DNAJC1: variants seen among roughly 807,000 people sequenced by gnomAD.
DNAJC1 encodes dnaJ homolog subfamily C member 1.
A neutral mutation model predicts 76.6 loss-of-function variants in DNAJC1; 58 were observed. The observed-to-expected ratio is 0.76, with a 90% CI of 0.61 to 0.94. DNAJC1 has a LOEUF of 0.94. Among genes scored for constraint, DNAJC1 ranks in the 40% least tolerant of loss-of-function variants. The pLI is 0.00. For missense variants in DNAJC1, 689 were observed against 677.3 expected, an observed-to-expected ratio of 1.02 and a Z score of -0.19; for synonymous variants, 258 against 267.9, an observed-to-expected ratio of 0.96 and a Z score of 0.36.
rs375062805 is a variant in DNAJC1, at chr10:21,774,390, C to A, written c.1099-8081G>T. Among the ~76,000 whole-genome samples, 23 of 152,272 alleles carry A rather than the reference C, an allele frequency of 1.5e-4. 1 individual carries two copies. The East Asian group carries it at 2.9e-3, about 19-fold the overall frequency. On this transcript the variant is annotated intron_variant, in intron 9 of 11. Coordinates refer to ENST00000376980, the MANE Select transcript of DNAJC1 (RefSeq NM_022365.4). ...TACACGTGACCTCAGAATCTCATAA[C>A]CTGAGATTCATATAACTCTCTAACA...
intron 9 of DNAJC1, among the ~76,000 whole-genome samples, chr10:21,798,912 TGAAAA>T (rs968972397): frequency 6.6e-6 from 1 of 152,150 alleles, no homozygotes; most frequent in African/African-American, 2.4e-5. Context: ...TATGTTCTCC[TGAAAA>T]GAAATTAGTG....
intron 1 of DNAJC1, among the ~76,000 whole-genome samples, chr10:21,988,425 T>C (rs1489340092): frequency 1.3e-5 from 2 of 152,156 alleles, no homozygotes; most frequent in African/African-American, 4.8e-5. Flanking sequence ...ATACAAAAAC[T>C]GACTAAATCC....
Position 21,767,794 on chromosome 10 carries a change from G to C in DNAJC1, c.1099-1485C>G, listed in dbSNP as rs551571451. On this transcript the variant is annotated intron_variant, in intron 9 of 11. Coordinates refer to ENST00000376980, the MANE Select transcript of DNAJC1 (RefSeq NM_022365.4). ...CCAGATCACTTGAGGTCAGGAGTTC[G>C]AGACCAGCCTGGTCAATATAGCAAA... 1.8e-3 allele frequency among the ~76,000 whole-genome samples: 273 copies of C among 152,128 alleles called. 1 individual carries two copies. Among genetic ancestry groups the C allele is most frequent in the Non-Finnish European group, 3.3e-3 (224 of 67,970 alleles).
intron 1 of DNAJC1, among the ~76,000 whole-genome samples, chr10:21,971,818 C>A (rs1397563877): frequency 1.3e-5 from 2 of 151,794 alleles, no homozygotes; most frequent in Non-Finnish European, 3.0e-5. Context: ...TTAGCTCAGC[C>A]TTCATGGTAT....
Position 21,844,669 on chromosome 10 carries a change from C to T in DNAJC1, c.978+37613G>A, listed in dbSNP as rs537460120. On this transcript the variant is annotated intron_variant, in intron 8 of 11. Coordinates refer to ENST00000376980, the MANE Select transcript of DNAJC1 (RefSeq NM_022365.4). ...ACTAATACATCCACAATAGTCTACC[C>T]CACCACCACCCCATTAGAATAGGTA... Among the ~76,000 whole-genome samples the T allele has an allele frequency of 4.6e-5, 7 of 152,116 alleles. No homozygotes were observed. In the East Asian group the frequency reaches 1.4e-3, roughly 29 times the overall value.
At chr10:21,958,005 T>C (rs917658047) in intron 1 of DNAJC1, among the ~76,000 whole-genome samples, 1 of 152,186 alleles carries the variant, frequency 6.6e-6, no homozygotes, top group Non-Finnish European at 1.5e-5. Flanking sequence ...TACTGTAATA[T>C]TCAGTTTCAT....
chr10:21,996,260 T>C (rs1378649074), intron 1 of DNAJC1, among the ~76,000 whole-genome samples: 3 of 152,160 alleles, frequency 2.0e-5, no homozygotes, highest in South Asian at 4.1e-4. Flanking sequence ...ATGCCCACAG[T>C]GGAAAACAGT....
At chr10:21,785,167 G>A (rs1834589126) in intron 9 of DNAJC1, 1 of 152,230 alleles carries the variant, frequency 6.6e-6, no homozygotes, top group South Asian at 2.1e-4. Context: ...CTGGCAGTTT[G>A]AGGGTCTGGC....
intron 8 of DNAJC1, among the ~76,000 whole-genome samples, chr10:21,835,371 T>TG (rs1285662634): frequency 6.6e-6 from 1 of 151,692 alleles, no homozygotes; most frequent in Non-Finnish European, 1.5e-5. Flanking sequence ...ACCACAAAGA[T>TG]GGGAAAAAAA....
At chr10:21,913,198 A>G (rs891373057) in intron 6 of DNAJC1, among the ~76,000 whole-genome samples, 1 of 152,168 alleles carries the variant, frequency 6.6e-6, no homozygotes. Flanking sequence ...AAGGTAAAAA[A>G]TTTACAACTT....
At chr10:21,907,068 C>A (rs1564823507) in intron 6 of DNAJC1, among the ~76,000 whole-genome samples, 1 of 152,070 alleles carries the variant, frequency 6.6e-6, no homozygotes, top group East Asian at 1.9e-4. Flanking sequence ...AGTAGTCCTG[C>A]CAAATTTGAA....
chr10:21,909,743 C>T (rs1028712590), intron 6 of DNAJC1, among the ~76,000 whole-genome samples: 2 of 152,282 alleles, frequency 1.3e-5, no homozygotes, highest in Admixed American at 1.3e-4. Flanking sequence ...AAAACTCATG[C>T]AAATCCTCCA....
chr10:21,851,193 T>C (rs926656918), intron 8 of DNAJC1, among the ~76,000 whole-genome samples: 27 of 152,116 alleles, frequency 1.8e-4, no homozygotes, highest in African/African-American at 6.5e-4. Context: ...AACATTATTA[T>C]GAAAATGAAA....
At chr10:21,988,664 A>G (rs1018372143) in intron 1 of DNAJC1, among the ~76,000 whole-genome samples, 2 of 152,190 alleles carry the variant, frequency 1.3e-5, no homozygotes, top group Non-Finnish European at 2.9e-5. Flanking sequence ...AGTGAGGGTT[A>G]GCCTCATTGT....
intron 6 of DNAJC1, among the ~76,000 whole-genome samples, chr10:21,915,628 A>C (rs1335934691): frequency 6.6e-6 from 1 of 152,218 alleles, no homozygotes; most frequent in Non-Finnish European, 1.5e-5. Flanking sequence ...CTGTATACTT[A>C]TAAGAGCTGC....
At chr10:21,822,662 A>T (rs1355489669) in intron 8 of DNAJC1, among the ~76,000 whole-genome samples, 1 of 152,070 alleles carries the variant, frequency 6.6e-6, no homozygotes, top group African/African-American at 2.4e-5. Context: ...TAGAAATACA[A>T]GTGTTAAATT....
intron 8 of DNAJC1, among the ~76,000 whole-genome samples, chr10:21,815,948 TG>T (rs1835068165): frequency 6.6e-6 from 1 of 151,710 alleles, no homozygotes; most frequent in Admixed American, 6.6e-5. Context: ...TTCACCATGT[TG>T]GCCAGGCTGG....
At position 21,991,897 on chromosome 10, in the gene DNAJC1, C is replaced by T. The variant is rs111234137; in HGVS notation, c.222+11316G>A. On this transcript the variant is annotated intron_variant, in intron 1 of 11. Transcript: ENST00000376980. ...CTATATGCCTTATGAAATCTCAATA[C>T]AGATCAAGTATTTTCAATCAAAATT... 1.9e-3 allele frequency among the ~76,000 whole-genome samples: 286 copies of T among 152,268 alleles called. 2 individuals carry two copies. The highest frequency in any genetic ancestry group is 0.01 in the Middle Eastern group (3 of 294).
intron 1 of DNAJC1, among the ~76,000 whole-genome samples, chr10:21,978,297 C>G (rs1385715458): frequency 1.3e-5 from 2 of 152,078 alleles, no homozygotes; most frequent in African/African-American, 4.8e-5. Context: ...CATGCAAACT[C>G]TTTAAGAATT....
Sources: gnomAD v4.1 joint callset for allele counts (sites outside exome capture counted in the v4.1 genomes callset) on GRCh38, gnomAD v4.1.1 for gene constraint, MANE v1.5 for transcripts, NCBI Gene and HGNC (gene_info 2026-07-23, HGNC 2026-07-21) for gene names.